Variants in TSHZ1 observed in about 807,000 individuals in gnomAD.
The protein encoded by TSHZ1 is teashirt zinc finger homeobox 1.
TSHZ1 carries 12 observed loss-of-function variants against 67.1 expected under a neutral mutation model. That is an observed-to-expected ratio of 0.18 (90% CI 0.11 to 0.29). The LOEUF (loss-of-function observed/expected upper bound fraction) is 0.29. Ranked by LOEUF, TSHZ1 falls within the 10% of genes least tolerant of loss-of-function variation. The probability of loss-of-function intolerance (pLI) is 1.00; values close to 1 mark genes in which losing one functional copy is unlikely to be tolerated. For synonymous variants in TSHZ1, 632 were observed against 622.4 expected (o/e 1.02, Z -0.23); for missense variants, 1,305 against 1,413.9 (o/e 0.92, Z 1.23).
chr18:75,225,250 A>G (rs981478949), intron 1 of TSHZ1, among the ~76,000 whole-genome samples: 3 of 152,206 alleles, frequency 2.0e-5, no homozygotes, highest in Non-Finnish European at 2.9e-5. Context: ...GGCACCTTCA[A>G]TCATGGATGA....
chr18:75,254,831 T>C (rs1442598057), intron 1 of TSHZ1, among the ~76,000 whole-genome samples: 1 of 152,220 alleles, frequency 6.6e-6, no homozygotes, highest in Non-Finnish European at 1.5e-5. Flanking sequence ...CAGCATGCTT[T>C]AAATAGTGTG....
rs1020952592 is a variant in TSHZ1 at position 75,287,802 on chromosome 18, G to A, written c.2395G>A (p.Asp799Asn). The A allele has an allele frequency of 6.8e-6, 11 of 1,613,988 alleles. No individual in the cohort carries two copies. Among genetic ancestry groups the A allele is most frequent in the African/African-American group, 6.7e-5 (5 of 74,934 alleles). The change falls in exon 2 of 2, where the codon GAC becomes AAC. Residue 799 changes from aspartate (D) to asparagine (N), a missense_variant. This residue lies in a region of TSHZ1 where 909 missense variants were observed against 961.8 expected (regional missense o/e 0.95). Transcript: ENST00000580243. The surrounding 1 kb of genome is among the most constrained non-coding windows in gnomAD (Gnocchi z 5.0). ...CCCTGTGAAGCAGGCCGATGCCATC[G>A]ACCGCTACTATTATGAAAACAGCGA... ...ATPVKQADAIDRYYYENSDQP... is the reference protein window; with the variant it reads ...ATPVKQADAINRYYYENSDQP...
Position 75,268,800 on chromosome 18 carries a change from G to A in TSHZ1, c.41-16648G>A, listed in dbSNP as rs117200312. Among the ~76,000 whole-genome samples the A allele has an allele frequency of 4.2e-3, 634 of 152,250 alleles. 4 individuals are homozygous for A. Among genetic ancestry groups the A allele is most frequent in the East Asian group, 0.03 (155 of 5,188 alleles). ...TTTGACATCAGCCAAATGGTGTAGCGCGATGTCTCTGACAGATATTCTTAC... is the reference window on the plus strand; with the variant it reads ...TTTGACATCAGCCAAATGGTGTAGCACGATGTCTCTGACAGATATTCTTAC... On this transcript the variant is annotated intron_variant, in intron 1 of 1. Transcript: ENST00000580243.
chr18:75,223,995 C>T (rs1421316655), intron 1 of TSHZ1, among the ~76,000 whole-genome samples: 2 of 146,208 alleles, frequency 1.4e-5, no homozygotes, highest in African/African-American at 2.5e-5. Flanking sequence ...GCAAATCATT[C>T]GGGGTCATTC....
chr18:75,285,277 A>G, intron 1 of TSHZ1, 171 bp from the exon 2 acceptor site: 1 of 667,216 alleles, frequency 1.5e-6, no homozygotes, highest in Non-Finnish European at 2.3e-6. Flanking sequence ...AGGGGACAGC[A>G]CCTTTTGAAA....
chr18:75,234,596 TTC>T (rs1491519817), intron 1 of TSHZ1, among the ~76,000 whole-genome samples: 12 of 150,932 alleles, frequency 8.0e-5, no homozygotes, highest in African/African-American at 3.0e-4. Flanking sequence ...GGGTTTTTTT[TTC>T]CCCCCATTAA....
intron 1 of TSHZ1, among the ~76,000 whole-genome samples, chr18:75,223,567 C>G (rs993215255): frequency 6.6e-6 from 1 of 151,876 alleles, no homozygotes; most frequent in African/African-American, 2.4e-5. Context: ...TTCTCCAGGC[C>G]CTGGAATCGA....
At chr18:75,250,897 A>G (rs1462811592) in intron 1 of TSHZ1, among the ~76,000 whole-genome samples, 1 of 152,158 alleles carries the variant, frequency 6.6e-6, no homozygotes, top group African/African-American at 2.4e-5. Flanking sequence ...GGTGGTCTGA[A>G]GACCCCCGAC....
intron 1 of TSHZ1, among the ~76,000 whole-genome samples, chr18:75,252,752 T>A (rs763521437): frequency 1.8e-4 from 28 of 152,178 alleles, no homozygotes; most frequent in South Asian, 4.1e-4. Flanking sequence ...TGTATATATT[T>A]GCGATTGTCT....
intron 1 of TSHZ1, among the ~76,000 whole-genome samples, chr18:75,222,785 A>G (rs1197288562): frequency 2.0e-5 from 3 of 152,188 alleles, no homozygotes; most frequent in African/African-American, 7.2e-5. Context: ...TGTACGTGGT[A>G]ACCTAATCCC....
At chr18:75,271,746 C>T (rs2023560737) in intron 1 of TSHZ1, among the ~76,000 whole-genome samples, 2 of 151,254 alleles carry the variant, frequency 1.3e-5, no homozygotes, top group Admixed American at 6.6e-5. Context: ...CTTCCTGGTC[C>T]CCTCCCCACC....
chr18:75,227,321 T>C (rs924226990), intron 1 of TSHZ1, among the ~76,000 whole-genome samples: 3 of 152,192 alleles, frequency 2.0e-5, no homozygotes, highest in Non-Finnish European at 4.4e-5. Flanking sequence ...TTTCTTCTTT[T>C]TCTCTGTTGC....
At chr18:75,275,828 T>G (rs1207482985) in intron 1 of TSHZ1, among the ~76,000 whole-genome samples, 1 of 152,236 alleles carries the variant, frequency 6.6e-6, no homozygotes, top group African/African-American at 2.4e-5. Flanking sequence ...TTCCACCATG[T>G]GTTAACATGC....
At chr18:75,233,861 C>T (rs549711071) in intron 1 of TSHZ1, among the ~76,000 whole-genome samples, 8 of 152,210 alleles carry the variant, frequency 5.3e-5, no homozygotes, top group South Asian at 2.1e-4. Context: ...GTGGAGGATG[C>T]GGTTCACTGG....
chr18:75,229,365 G>A lies in TSHZ1; in HGVS notation c.40+17449G>A, dbSNP rs181281603. ...ATGCGTCTCATCTCTGGGAGCTTCC[G>A]GTCCGATGGTGTGAACTGCTTTCTA... is the stretch of plus-strand genomic sequence containing the variant. On this transcript the variant is annotated intron_variant, in intron 1 of 1. Coordinates refer to ENST00000580243, the MANE Select transcript of TSHZ1 (RefSeq NM_001308210.2). Among the ~76,000 whole-genome samples the A allele has an allele frequency of 7.9e-5, 12 of 152,336 alleles. No homozygotes were observed. In the East Asian group the frequency reaches 1.5e-3, roughly 20 times the overall value.
intron 1 of TSHZ1, among the ~76,000 whole-genome samples, chr18:75,260,088 G>T (rs2023411932): frequency 6.6e-6 from 1 of 152,086 alleles, no homozygotes; most frequent in African/African-American, 2.4e-5. Context: ...TCCTAACCTT[G>T]TGAATTAGTA....
At chr18:75,273,148 T>C (rs145988214) in intron 1 of TSHZ1, among the ~76,000 whole-genome samples, 2 of 152,392 alleles carry the variant, frequency 1.3e-5, no homozygotes, top group African/African-American at 4.8e-5. Flanking sequence ...GCCTTTCTTC[T>C]ATTGTTGCTT....
At chr18:75,220,692 C>T (rs906650066) in intron 1 of TSHZ1, among the ~76,000 whole-genome samples, 2 of 152,116 alleles carry the variant, frequency 1.3e-5, no homozygotes, top group Non-Finnish European at 2.9e-5. Context: ...TTCGCTAAGC[C>T]GCTTGTTTAA....
chr18:75,261,007 T>C (rs2023423420), intron 1 of TSHZ1, among the ~76,000 whole-genome samples: 1 of 151,632 alleles, frequency 6.6e-6, no homozygotes, highest in Admixed American at 6.6e-5. Flanking sequence ...AGGAGGAGCA[T>C]GGTGGGGTGT....
Sources: allele counts gnomAD v4.1 joint callset (sites outside exome capture counted in the v4.1 genomes callset), GRCh38; gene constraint gnomAD v4.1.1; regional missense constraint gnomAD v4.1.1; non-coding constraint Gnocchi (gnomAD v3.1); transcripts MANE v1.5; gene names NCBI Gene and HGNC (gene_info 2026-07-23, HGNC 2026-07-21).